Variants in HS6ST3 observed in about 807,000 individuals in gnomAD.
HS6ST3 encodes the protein heparan sulfate 6-O-sulfotransferase 3.
HS6ST3 carries 12 observed loss-of-function variants against 36.7 expected under a neutral mutation model. The ratio of observed to expected loss-of-function variants is 0.33; its 90% CI spans 0.21 to 0.53. HS6ST3 has a LOEUF of 0.53. Ranked by LOEUF, HS6ST3 falls within the 20% of genes least tolerant of loss-of-function variation. HS6ST3 has a pLI of 0.95. For missense variants in HS6ST3, 584 were observed against 640.9 expected (o/e 0.91, Z 0.96); for synonymous variants, 240 against 257.5 (o/e 0.93, Z 0.65).
intron 1 of HS6ST3, among the ~76,000 whole-genome samples, chr13:96,326,187 TTTA>T (rs2055030302): frequency 6.6e-6 from 1 of 151,986 alleles, no homozygotes; most frequent in African/African-American, 2.4e-5. Flanking sequence ...TTAATTTTTT[TTTA>T]TTATACTTTA....
chr13:96,778,762 G>A (rs141370842), intron 1 of HS6ST3, among the ~76,000 whole-genome samples: 4 of 152,220 alleles, frequency 2.6e-5, no homozygotes, highest in East Asian at 1.9e-4. Context: ...GAAGTGTGGC[G>A]ATTTGTCAAG....
At chr13:96,725,499 GC>G (rs1214284107) in intron 1 of HS6ST3, among the ~76,000 whole-genome samples, 1 of 152,004 alleles carries the variant, frequency 6.6e-6, no homozygotes, top group Non-Finnish European at 1.5e-5. Flanking sequence ...TTGAGTTTTA[GC>G]TTTTACTTTT....
At chr13:96,707,532 C>G (rs768383445) in intron 1 of HS6ST3, among the ~76,000 whole-genome samples, 5 of 152,214 alleles carry the variant, frequency 3.3e-5, no homozygotes, top group Non-Finnish European at 2.9e-5. Context: ...GCCCATCAAT[C>G]TGAATTTTAA....
chr13:96,490,723 G>T (rs2055940558), intron 1 of HS6ST3, among the ~76,000 whole-genome samples: 1 of 152,142 alleles, frequency 6.6e-6, no homozygotes, highest in Non-Finnish European at 1.5e-5. Context: ...GAACTCCCCA[G>T]AATATCTACA....
chr13:96,465,438 C>T (rs145839884), intron 1 of HS6ST3, among the ~76,000 whole-genome samples: 28 of 152,250 alleles, frequency 1.8e-4, no homozygotes, highest in South Asian at 6.2e-4. Flanking sequence ...AGACTTCCCA[C>T]GGATAAATCA....
intron 1 of HS6ST3, among the ~76,000 whole-genome samples, chr13:96,789,325 G>A (rs1382464139): frequency 6.6e-6 from 1 of 151,432 alleles, no homozygotes. Flanking sequence ...CCTTTATTTT[G>A]TTGTCTTCAT....
chr13:96,431,828 T>G (rs1282292349), intron 1 of HS6ST3, among the ~76,000 whole-genome samples: 1 of 152,220 alleles, frequency 6.6e-6, no homozygotes, highest in Non-Finnish European at 1.5e-5. Flanking sequence ...ACTTAGTTCC[T>G]CAAAGCCCCA....
chr13:96,373,395 C>T (rs965020130), intron 1 of HS6ST3, among the ~76,000 whole-genome samples: 2 of 152,072 alleles, frequency 1.3e-5, no homozygotes, highest in Non-Finnish European at 2.9e-5. Context: ...ATAGTGCATA[C>T]ATAAATTGAA....
At chr13:96,465,289 A>C (rs1295165830) in intron 1 of HS6ST3, among the ~76,000 whole-genome samples, 1 of 152,204 alleles carries the variant, frequency 6.6e-6, no homozygotes, top group Admixed American at 6.5e-5. Context: ...ACCAGGAAAC[A>C]GTCATACAAA....
chr13:96,523,645 C>T (rs536164240), intron 1 of HS6ST3, among the ~76,000 whole-genome samples: 1 of 152,020 alleles, frequency 6.6e-6, no homozygotes, highest in South Asian at 2.1e-4. Flanking sequence ...CCCTTTCTTC[C>T]ACTTGATTGA....
rs541350227 is a variant in HS6ST3 at position 96,648,806 on chromosome 13, C to A, written c.708-183684C>A. Reference sequence around the variant, plus strand: ...TGAGGATAATGACTTCCAGCTCCATCCATGTCCCTGCAAAGGACATAATCT... The same window carrying A: ...TGAGGATAATGACTTCCAGCTCCATACATGTCCCTGCAAAGGACATAATCT... On this transcript the variant is annotated intron_variant, in intron 1 of 1. Transcript: ENST00000376705. 5.2e-4 allele frequency among the ~76,000 whole-genome samples: 79 copies of A among 152,204 alleles called. 1 individual carries two copies. Among genetic ancestry groups the A allele is most frequent in the Non-Finnish European group, 9.6e-4 (65 of 68,008 alleles).
intron 1 of HS6ST3, among the ~76,000 whole-genome samples, chr13:96,528,475 T>C (rs1336113603): frequency 3.9e-5 from 6 of 152,168 alleles, no homozygotes; most frequent in African/African-American, 1.4e-4. Context: ...GATGAAATTG[T>C]TGGTGAAATT....
intron 1 of HS6ST3, among the ~76,000 whole-genome samples, chr13:96,269,519 G>A (rs935831373): frequency 3.9e-5 from 6 of 152,024 alleles, no homozygotes; most frequent in Admixed American, 2.0e-4. Context: ...TCCATGAAAC[G>A]TGCACTTCTG....
At chr13:96,558,108 T>A (rs2056248162) in intron 1 of HS6ST3, among the ~76,000 whole-genome samples, 1 of 152,222 alleles carries the variant, frequency 6.6e-6, no homozygotes, top group African/African-American at 2.4e-5. Flanking sequence ...TTTACCTTTT[T>A]GCTTTTTTAT....
chr13:96,194,965 G>A lies in HS6ST3; in HGVS notation c.707+103396G>A, dbSNP rs556713202. Among the ~76,000 whole-genome samples, 14 of 152,094 alleles carry A rather than the reference G, an allele frequency of 9.2e-5. 1 individual carries two copies. The highest frequency in any genetic ancestry group is 3.1e-4 in the African/African-American group (13 of 41,460). ...TTAATTAACATTTTGTTATTGATTAGACTTAGAGGTCATGTGCTGCTCATG... is the reference window on the plus strand; with the variant it reads ...TTAATTAACATTTTGTTATTGATTAAACTTAGAGGTCATGTGCTGCTCATG... On this transcript the variant is annotated intron_variant, in intron 1 of 1. Transcript: ENST00000376705.
chr13:96,432,100 C>T (rs2055618529), intron 1 of HS6ST3, among the ~76,000 whole-genome samples: 1 of 152,124 alleles, frequency 6.6e-6, no homozygotes, highest in Non-Finnish European at 1.5e-5. Flanking sequence ...TGGAAACTTC[C>T]ATTTCTTTTT....
At chr13:96,439,601 G>A (rs902145512) in intron 1 of HS6ST3, among the ~76,000 whole-genome samples, 13 of 152,188 alleles carry the variant, frequency 8.5e-5, no homozygotes, top group African/African-American at 3.1e-4. Flanking sequence ...CTTCCTACCT[G>A]TGCCTCAGTT....
intron 1 of HS6ST3, among the ~76,000 whole-genome samples, chr13:96,414,216 G>A (rs891181489): frequency 6.6e-6 from 1 of 152,126 alleles, no homozygotes; most frequent in Non-Finnish European, 1.5e-5. Context: ...ATTTCACCTA[G>A]GCCAGGCCTT....
At chr13:96,674,265 G>T (rs2056691736) in intron 1 of HS6ST3, among the ~76,000 whole-genome samples, 1 of 152,042 alleles carries the variant, frequency 6.6e-6, no homozygotes. Flanking sequence ...CTTCCGCCAT[G>T]ATTGTGTGTT....
Sources: allele counts gnomAD v4.1 joint callset (sites outside exome capture counted in the v4.1 genomes callset), GRCh38; gene constraint gnomAD v4.1.1; transcripts MANE v1.5; gene names NCBI Gene and HGNC (gene_info 2026-07-23, HGNC 2026-07-21).